CAMKMT: variants seen among roughly 807,000 people sequenced by gnomAD.
CAMKMT encodes the protein CaM KMT.
CAMKMT carries 53 observed loss-of-function variants against 48.0 expected under a neutral mutation model. That is an observed-to-expected ratio of 1.10 (90% CI 0.89 to 1.39). The LOEUF is 1.39. Among genes scored for constraint, CAMKMT ranks in the 40% most tolerant of loss-of-function variants. CAMKMT has a pLI of 0.00. For synonymous variants in CAMKMT, 165 were observed against 152.3 expected (o/e 1.08, Z -0.61); for missense variants, 428 against 402.7 (o/e 1.06, Z -0.54).
chr2:44,581,661 T>C (rs1245228417), intron 3 of CAMKMT, among the ~76,000 whole-genome samples: 1 of 152,250 alleles, frequency 6.6e-6, no homozygotes, highest in Non-Finnish European at 1.5e-5. Context: ...TCATTTTATA[T>C]AAAGAGCACT....
intron 3 of CAMKMT, among the ~76,000 whole-genome samples, chr2:44,483,441 G>T (rs1487808081): frequency 6.6e-6 from 1 of 152,036 alleles, no homozygotes; most frequent in South Asian, 2.1e-4. Flanking sequence ...TCTAGTTAAT[G>T]CAATATATTA....
In CAMKMT at chr2:44,362,037, C is replaced by T. The variant is rs1185990548; in HGVS notation, c.30C>T (p.Thr10=). ...AGTCGCGAGTCGCGGACGCTGGGAC[C>T]GGCGAGACCGCGCGAGCAGCGGGCG... is the stretch of plus-strand genomic sequence containing the variant. The part of the protein sequence containing the change: MESRVADAG[T]GETARAAGGS... Residue 10 remains threonine, a synonymous_variant, in exon 1 of 11, where the codon ACC becomes ACT. Coordinates refer to ENST00000378494, the MANE Select transcript of CAMKMT (RefSeq NM_024766.5). 1 of 1,424,146 alleles carries T rather than the reference C, an allele frequency of 7.0e-7. No individual in the cohort carries two copies. Among genetic ancestry groups the T allele is most frequent in the African/African-American group, 1.5e-5 (1 of 66,076 alleles). The allele number at this position is 1,424,146 out of a possible 1,614,324, so 88.2% of individuals were successfully genotyped here.
At chr2:44,769,984 A>G (rs1043026597) in intron 10 of CAMKMT, among the ~76,000 whole-genome samples, 7 of 152,160 alleles carry the variant, frequency 4.6e-5, no homozygotes, top group Non-Finnish European at 5.9e-5. Flanking sequence ...GCAGCTATAT[A>G]ATTTAGTTTA....
At chr2:44,681,387 G>C (rs1676011827) in intron 3 of CAMKMT, among the ~76,000 whole-genome samples, 1 of 152,162 alleles carries the variant, frequency 6.6e-6, no homozygotes, top group Non-Finnish European at 1.5e-5. Flanking sequence ...CTGATAGGAA[G>C]GGGGAAAAGC....
In CAMKMT at chr2:44,600,188, A is replaced by G. The variant is rs370784176; in HGVS notation, c.377-104095A>G. Among the ~76,000 whole-genome samples the G allele has an allele frequency of 2.3e-4, 35 of 152,252 alleles. 1 individual carries two copies. In the South Asian group the frequency reaches 7.0e-3, roughly 31 times the overall value. On this transcript the variant is annotated intron_variant, in intron 3 of 10. Transcript: ENST00000378494. ...TTCAGAGTTTAAAACTCTGCTCATA[A>G]TAACAGATGATAAAAGAGATTCTCC... is the stretch of plus-strand genomic sequence containing the variant.
At chr2:44,593,665 T>C (rs6714813) in intron 3 of CAMKMT, among the ~76,000 whole-genome samples, 1 of 152,174 alleles carries the variant, frequency 6.6e-6, no homozygotes, top group Admixed American at 6.5e-5. Context: ...ATATTTGATT[T>C]GTAGTTGTTT....
intron 8 of CAMKMT, 149 bp from the exon 9 acceptor site, chr2:44,753,906 C>T (rs529981460): frequency 2.5e-5 from 16 of 641,060 alleles, no homozygotes; most frequent in African/African-American, 1.5e-4. Flanking sequence ...CCTCCCACCC[C>T]CTCCAGTGAG....
chr2:44,478,680 GTTAATTGC>G (rs1189136564), intron 3 of CAMKMT, among the ~76,000 whole-genome samples: 1 of 148,946 alleles, frequency 6.7e-6, no homozygotes, highest in East Asian at 2.0e-4. Flanking sequence ...AGATATAAAA[GTTAATTGC>G]TTTTCTTTTC....
intron 3 of CAMKMT, among the ~76,000 whole-genome samples, chr2:44,451,319 A>G (rs1207784451): frequency 6.6e-6 from 1 of 152,148 alleles, no homozygotes; most frequent in Admixed American, 6.5e-5. Flanking sequence ...AATAGTTTTC[A>G]TTTCTGATAC....
intron 3 of CAMKMT, among the ~76,000 whole-genome samples, chr2:44,547,654 G>C (rs749381697): frequency 6.6e-6 from 1 of 152,156 alleles, no homozygotes; most frequent in Non-Finnish European, 1.5e-5. Context: ...TTTAGGTCTT[G>C]GGGTCTGGAA....
chr2:44,578,674 G>C (rs1431790077), intron 3 of CAMKMT, among the ~76,000 whole-genome samples: 1 of 152,184 alleles, frequency 6.6e-6, no homozygotes, highest in Non-Finnish European at 1.5e-5. Context: ...GTGGTATTGG[G>C]TAATGGGATG....
chr2:44,474,203 T>G (rs182428407), intron 3 of CAMKMT, among the ~76,000 whole-genome samples: 316 of 152,220 alleles, frequency 2.1e-3, no homozygotes, highest in Middle Eastern at 0.017. Context: ...CCCAGCACTT[T>G]GGGAGGCCGA....
At chr2:44,524,996 C>T (rs543512054) in intron 3 of CAMKMT, among the ~76,000 whole-genome samples, 1 of 151,142 alleles carries the variant, frequency 6.6e-6, no homozygotes, top group South Asian at 2.1e-4. Context: ...GCTTGTTAAT[C>T]ATCCCTTTTG....
At chr2:44,531,430 G>A (rs1167741835) in intron 3 of CAMKMT, among the ~76,000 whole-genome samples, 2 of 152,162 alleles carry the variant, frequency 1.3e-5, no homozygotes, top group Non-Finnish European at 2.9e-5. Flanking sequence ...GCTGTTTTAA[G>A]GTTCTTTAAA....
chr2:44,601,905 T>C (rs1671014543), intron 3 of CAMKMT, among the ~76,000 whole-genome samples: 1 of 152,098 alleles, frequency 6.6e-6, no homozygotes, highest in African/African-American at 2.4e-5. Context: ...CATATGTCCT[T>C]TGATTGTTTT....
chr2:44,382,973 C>T (rs778017933), intron 2 of CAMKMT, among the ~76,000 whole-genome samples: 2 of 152,118 alleles, frequency 1.3e-5, no homozygotes, highest in African/African-American at 2.4e-5. Flanking sequence ...TTTCTTGCAG[C>T]TCTGGGAGCT....
intron 3 of CAMKMT, among the ~76,000 whole-genome samples, chr2:44,444,947 A>G (rs1230047052): frequency 6.6e-6 from 1 of 152,164 alleles, no homozygotes; most frequent in Non-Finnish European, 1.5e-5. Flanking sequence ...TTTTTGTCCC[A>G]AATTCAATTC....
At position 44,657,201 on chromosome 2, in the gene CAMKMT, C is replaced by A. The variant is rs1271330893; in HGVS notation, c.377-47082C>A. 6.6e-6 allele frequency among the ~76,000 whole-genome samples: 1 copy of A among 152,184 alleles called. No individual in the cohort carries two copies. The highest frequency in any genetic ancestry group is 2.4e-5 in the African/African-American group (1 of 41,452). On this transcript the variant is annotated intron_variant, in intron 3 of 10. Transcript: ENST00000378494. The surrounding 1 kb of genome is among the most constrained non-coding windows in gnomAD (Gnocchi z 4.3). ...GGCCATCCCGTGGAGAGGTCAGGACCTCTCAGAGTTGAATTTTAGAAGATT... is the reference window on the plus strand; with the variant it reads ...GGCCATCCCGTGGAGAGGTCAGGACATCTCAGAGTTGAATTTTAGAAGATT...
chr2:44,417,335 C>T (rs1683627267), intron 3 of CAMKMT, among the ~76,000 whole-genome samples: 1 of 151,982 alleles, frequency 6.6e-6, no homozygotes, highest in Non-Finnish European at 1.5e-5. Flanking sequence ...GCAGAGGTTG[C>T]AGTGAGGTGA....
Sources: gnomAD v4.1 joint callset for allele counts (sites outside exome capture counted in the v4.1 genomes callset) on GRCh38, gnomAD v4.1.1 for gene constraint, Gnocchi (gnomAD v3.1) non-coding constraint, MANE v1.5 for transcripts, NCBI Gene and HGNC (gene_info 2026-07-23, HGNC 2026-07-21) for gene names.